Variants in FAM107B observed in about 807,000 individuals in gnomAD.
FAM107B encodes the protein family with sequence similarity 107 member B, also known as protein FAM107B.
A neutral mutation model predicts 31.5 loss-of-function variants in FAM107B; 21 were observed. That is an observed-to-expected ratio of 0.67 (90% CI 0.47 to 0.96). The LOEUF (loss-of-function observed/expected upper bound fraction) is 0.96. Among genes scored for constraint, FAM107B ranks in the 40% least tolerant of loss-of-function variants. The probability of loss-of-function intolerance (pLI) is 0.00; values close to 1 mark genes in which losing one functional copy is unlikely to be tolerated. For synonymous variants in FAM107B, 157 were observed against 141.5 expected (o/e 1.11, Z -0.78); for missense variants, 452 against 377.1 (o/e 1.20, Z -1.64).
At chr10:14,541,068 G>A (rs1848142953) in intron 2 of FAM107B, among the ~76,000 whole-genome samples, 1 of 152,092 alleles carries the variant, frequency 6.6e-6, no homozygotes, top group Non-Finnish European at 1.5e-5. Flanking sequence ...TATCTCACAG[G>A]TTTCAACCCT....
intron 1 of FAM107B, among the ~76,000 whole-genome samples, chr10:14,738,889 T>G (rs1856371342): frequency 2.0e-5 from 3 of 152,244 alleles, no homozygotes; most frequent in African/African-American, 7.2e-5. Context: ...GCAATGAATT[T>G]ATTTTGCTCA....
intron 1 of FAM107B, among the ~76,000 whole-genome samples, chr10:14,740,432 G>T (rs892643843): frequency 3.3e-5 from 5 of 152,192 alleles, no homozygotes; most frequent in Admixed American, 3.3e-4. Context: ...AAAATGATCA[G>T]TGGTGGCCAT....
Position 14,521,866 on chromosome 10 carries a change from T to G in FAM107B, c.804+3A>C, listed in dbSNP as rs1845676968. 1 of 1,613,680 alleles carries G rather than the reference T, an allele frequency of 6.2e-7. No homozygotes were observed. Among genetic ancestry groups the G allele is most frequent in the Non-Finnish European group, 8.5e-7 (1 of 1,179,880 alleles). ...AAGACAGCTTCCAGCCAATCCCCCT[T>G]ACCTGCTCCAACTTCTGCTGCCGTT... On this transcript the variant is annotated splice_donor_region_variant and intron_variant, in intron 4 of 4. Coordinates refer to ENST00000181796, the MANE Select transcript of FAM107B (RefSeq NM_031453.4).
chr10:14,702,610 A>G (rs1855427258), intron 1 of FAM107B, among the ~76,000 whole-genome samples: 1 of 152,204 alleles, frequency 6.6e-6, no homozygotes, highest in African/African-American at 2.4e-5. Flanking sequence ...TTGGCCTCCC[A>G]AAGTGTTGGG....
intron 2 of FAM107B, among the ~76,000 whole-genome samples, chr10:14,645,424 G>A (rs998316490): frequency 2.6e-5 from 4 of 152,122 alleles, no homozygotes; most frequent in African/African-American, 4.8e-5. Context: ...TCCGTTTCCC[G>A]TTCGTCTAAG....
intron 1 of FAM107B, chr10:14,723,975 G>A: frequency 1.3e-6 from 1 of 750,956 alleles, no homozygotes; most frequent in Non-Finnish European, 2.4e-6. Flanking sequence ...CAAGGTTAGT[G>A]TCACCTAAGT....
chr10:14,632,610 CAAAAAA>C (rs5783414), intron 2 of FAM107B, among the ~76,000 whole-genome samples: 1 of 90,544 alleles, frequency 1.1e-5, no homozygotes, highest in African/African-American at 4.6e-5. Flanking sequence ...GACTCTGTCT[CAAAAAA>C]AAAAAAAAAA....
At chr10:14,762,398 C>T (rs774961288) in intron 1 of FAM107B, among the ~76,000 whole-genome samples, 9 of 152,146 alleles carry the variant, frequency 5.9e-5, no homozygotes, top group Non-Finnish European at 1.3e-4. Context: ...GAACCTAAAC[C>T]AGAGGGTTTG....
chr10:14,574,210 T>C (rs947964628), intron 2 of FAM107B, among the ~76,000 whole-genome samples: 1 of 152,246 alleles, frequency 6.6e-6, no homozygotes. Context: ...TCCTCAGGCA[T>C]CCTGACACAG....
rs1046785885 is a variant in FAM107B, at chr10:14,522,107, C to T, written c.654-88G>A. ...GAAATTTAACTTACAATATCAACCACGGAAAAGTGGTCTACAAAATTAGTA... is the reference window on the plus strand; with the variant it reads ...GAAATTTAACTTACAATATCAACCATGGAAAAGTGGTCTACAAAATTAGTA... On this transcript the variant is annotated intron_variant, in intron 3 of 4. Transcript: ENST00000181796. 44 of 1,501,746 alleles carry T rather than the reference C, an allele frequency of 2.9e-5. No individual in the cohort carries two copies. The African/African-American group carries it at 3.2e-4, about 11-fold the overall frequency. The allele number at this position is 1,501,746 out of a possible 1,614,324, so 93.0% of individuals were successfully genotyped here. A position where few individuals can be genotyped will look rare whatever the true frequency, so the allele number is the denominator to read the frequency against.
intron 2 of FAM107B, among the ~76,000 whole-genome samples, chr10:14,588,350 A>G (rs1235305125): frequency 6.6e-6 from 1 of 152,240 alleles, no homozygotes; most frequent in Non-Finnish European, 1.5e-5. Context: ...TTAAAACAAA[A>G]CAAACAAACC....
chr10:14,598,244 C>T (rs1852251499), intron 2 of FAM107B, among the ~76,000 whole-genome samples: 4 of 152,154 alleles, frequency 2.6e-5, no homozygotes, highest in Admixed American at 2.6e-4. Context: ...GTAATTACTG[C>T]CAAGACCAGT....
intron 1 of FAM107B, among the ~76,000 whole-genome samples, chr10:14,670,130 T>C (rs1402387789): frequency 6.6e-6 from 1 of 152,240 alleles, no homozygotes; most frequent in Non-Finnish European, 1.5e-5. Context: ...TAAATTGCCA[T>C]AATTATCAAC....
chr10:14,682,213 G>A (rs1046255935), intron 1 of FAM107B, among the ~76,000 whole-genome samples: 3 of 152,166 alleles, frequency 2.0e-5, no homozygotes, highest in South Asian at 2.1e-4. Flanking sequence ...AGACACAAAT[G>A]TTTAGGATGA....
intron 2 of FAM107B, among the ~76,000 whole-genome samples, chr10:14,559,171 C>T (rs1391851881): frequency 3.3e-5 from 5 of 151,608 alleles, no homozygotes; most frequent in African/African-American, 9.7e-5. Context: ...AGAAGAGAAT[C>T]GATCAAGATC....
At chr10:14,605,581 T>G (rs7083389) in intron 2 of FAM107B, among the ~76,000 whole-genome samples, 15,197 of 152,172 alleles carry the variant, frequency 0.1, 839 homozygotes, top group East Asian at 0.19. Context: ...TCACACACCA[T>G]GCTCTAAGCC....
intron 1 of FAM107B, chr10:14,723,560 T>C: frequency 1.5e-6 from 1 of 652,994 alleles, no homozygotes; most frequent in South Asian, 1.6e-5. Flanking sequence ...TGAGCTCCCT[T>C]ACTGTTGCAT....
intron 2 of FAM107B, among the ~76,000 whole-genome samples, chr10:14,632,831 G>GGT (rs1853402186): frequency 6.6e-6 from 1 of 152,058 alleles, no homozygotes; most frequent in East Asian, 1.9e-4. Context: ...TACAGGGCAA[G>GGT]AAATGCCAGC....
At chr10:14,598,743 A>G (rs1852268404) in intron 2 of FAM107B, among the ~76,000 whole-genome samples, 1 of 152,180 alleles carries the variant, frequency 6.6e-6, no homozygotes, top group African/African-American at 2.4e-5. Context: ...ACATTTTTTG[A>G]AAGGCTGTGG....
Sources: gnomAD v4.1 joint callset for allele counts (sites outside exome capture counted in the v4.1 genomes callset) on GRCh38, gnomAD v4.1.1 for gene constraint, MANE v1.5 for transcripts, NCBI Gene and HGNC (gene_info 2026-07-23, HGNC 2026-07-21) for gene names.